Variants in ZNF507 observed in about 807,000 individuals in gnomAD.
ZNF507 encodes zinc finger protein 507.
In ZNF507, 29 loss-of-function variants were observed where a neutral mutation model predicts 80.0. The ratio of observed to expected loss-of-function variants is 0.36; its 90% CI spans 0.27 to 0.49. ZNF507 has a LOEUF of 0.49. Ranked by LOEUF, ZNF507 falls within the 20% of genes least tolerant of loss-of-function variation. The probability of loss-of-function intolerance (pLI) is 0.98; values close to 1 mark genes in which losing one functional copy is unlikely to be tolerated. For synonymous variants in ZNF507, 462 were observed against 422.5 expected, an observed-to-expected ratio of 1.09 and a Z score of -1.15; for missense variants, 1,081 against 1,152.2, an observed-to-expected ratio of 0.94 and a Z score of 0.90.
intron 3 of ZNF507, among the ~76,000 whole-genome samples, chr19:32,355,703 C>T (rs1441473436): frequency 6.6e-6 from 1 of 152,078 alleles, no homozygotes; most frequent in Non-Finnish European, 1.5e-5. Flanking sequence ...AGGAGGTAGA[C>T]TTTTTCCCTC....
chr19:32,380,767 A>G, intron 5 of ZNF507: 1 of 803,322 alleles, frequency 1.2e-6, no homozygotes, highest in Non-Finnish European at 2.0e-6. Flanking sequence ...CCAAATGATG[A>G]CAACTTTTAT....
intron 5 of ZNF507, among the ~76,000 whole-genome samples, chr19:32,366,361 G>C (rs1265193510): frequency 6.6e-6 from 1 of 152,154 alleles, no homozygotes; most frequent in Non-Finnish European, 1.5e-5. Flanking sequence ...GGGCCTTCCA[G>C]TCATTACCCA....
chr19:32,378,923 TC>T (rs1967589063), intron 5 of ZNF507, among the ~76,000 whole-genome samples: 1 of 152,170 alleles, frequency 6.6e-6, no homozygotes, highest in African/African-American at 2.4e-5. Context: ...CGTGTCTGTT[TC>T]CCCTCTGCAT....
In ZNF507 at chr19:32,353,128, A is replaced by G. The variant is rs61741643; in HGVS notation, c.298A>G (p.Thr100Ala). The G allele has an allele frequency of 2.1e-4, 341 of 1,614,258 alleles. No individual in the cohort carries two copies. The African/African-American group carries it at 4.2e-3, about 20-fold the overall frequency. Reference protein sequence around the residue: ...AKVIQSPAADTRRAEMSQTNF... With the variant: ...AKVIQSPAADARRAEMSQTNF... Reference sequence around the variant, plus strand: ...AGTAATCCAGTCACCTGCTGCTGATACTAGAAGGGCTGAGATGTCACAAAC... The same window carrying G: ...AGTAATCCAGTCACCTGCTGCTGATGCTAGAAGGGCTGAGATGTCACAAAC... The change falls in exon 3 of 7, where the codon ACT becomes GCT. Residue 100 changes from threonine to alanine, a missense_variant. Coordinates refer to ENST00000355898, the MANE Select transcript of ZNF507 (RefSeq NM_001136156.2).
intron 5 of ZNF507, among the ~76,000 whole-genome samples, chr19:32,373,258 A>G (rs546380421): frequency 1.4e-4 from 21 of 152,214 alleles, no homozygotes; most frequent in African/African-American, 4.1e-4. Context: ...CACATTCACA[A>G]GGTCTCTGCC....
In ZNF507 at chr19:32,354,800, A is replaced by G. The variant is rs1217669602; in HGVS notation, c.1970A>G (p.Lys657Arg). 5.0e-6 allele frequency: 8 copies of G among 1,614,210 alleles called. No homozygotes were observed. Among genetic ancestry groups the G allele is most frequent in the Admixed American group, 1.7e-5 (1 of 60,024 alleles). Residue 657 changes from lysine to arginine, a missense_variant, in exon 3 of 7, where the codon AAG (lysine) becomes AGG (arginine). By Grantham distance (26) the Lys-to-Arg change is conservative (BLOSUM62 2). Around this residue, in one of 6 missense-constraint regions of ZNF507, gnomAD observed 614 missense variants for 583.9 expected, o/e 1.05. Coordinates refer to ENST00000355898, the MANE Select transcript of ZNF507 (RefSeq NM_001136156.2). ...HYTSGNKGYI[K>R]QHLRVHRQRQ... is the part of the protein sequence containing the mutation. ...ACAAGTGGCAACAAGGGCTACATCA[A>G]GCAGCACTTACGAGTCCATCGACAG... is the stretch of plus-strand genomic sequence containing the variant.
At chr19:32,372,468 G>A (rs1223501016) in intron 5 of ZNF507, among the ~76,000 whole-genome samples, 1 of 151,996 alleles carries the variant, frequency 6.6e-6, no homozygotes, top group East Asian at 1.9e-4. Context: ...CACCCACAAC[G>A]CTCCACATGA....
chr19:32,380,757 C>T (rs1417730293), intron 5 of ZNF507: 1 of 837,502 alleles, frequency 1.2e-6, no homozygotes, highest in Admixed American at 2.3e-5. Context: ...GAGTGTTTGC[C>T]CAAATGATGA....
chr19:32,377,292 G>A (rs962684341), intron 5 of ZNF507, among the ~76,000 whole-genome samples: 1 of 152,176 alleles, frequency 6.6e-6, no homozygotes, highest in Non-Finnish European at 1.5e-5. Context: ...TGGCATTACC[G>A]CTAGACCAAG....
chr19:32,384,994 TGCCAC>T lies in ZNF507; in HGVS notation c.*1912_*1916del, dbSNP rs1967670464. On this transcript the variant is annotated 3_prime_UTR_variant, in exon 7 of 7. Transcript: ENST00000355898. Reference sequence around the variant, plus strand: ...ATTTCATTATTATTACCCATACTGTTGCCACTCATATTGTAAGTCAGTTTTTTCAT... The same window carrying T: ...ATTTCATTATTATTACCCATACTGTTTCATATTGTAAGTCAGTTTTTTCAT... 1 of 152,100 alleles carries T rather than the reference TGCCAC, an allele frequency of 6.6e-6. No individual in the cohort carries two copies. The highest frequency in any genetic ancestry group is 1.5e-5 in the Non-Finnish European group (1 of 68,012). 9.4% of individuals were successfully genotyped at this position (152,100 alleles called of 1,614,324 possible).
At chr19:32,351,471 G>GTGTGTGTGTGTGT (rs56408758) in intron 2 of ZNF507, among the ~76,000 whole-genome samples, 6 of 123,336 alleles carry the variant, frequency 4.9e-5, no homozygotes, top group Admixed American at 8.6e-5. Context: ...GTGTGTGTGT[G>GTGTGTGTGTGTGT]GCGTGGGGGG....
intron 5 of ZNF507, among the ~76,000 whole-genome samples, chr19:32,381,639 C>A (rs1437406665): frequency 6.6e-6 from 1 of 152,038 alleles, no homozygotes; most frequent in Non-Finnish European, 1.5e-5. Context: ...CAACAAAAAA[C>A]CCCACAGAAT....
intron 1 of ZNF507, among the ~76,000 whole-genome samples, chr19:32,346,526 C>G (rs767522757): frequency 1.1e-4 from 17 of 152,216 alleles, no homozygotes; most frequent in Non-Finnish European, 2.2e-4. Context: ...GTACTCCCCT[C>G]TCACTCAGAG....
chr19:32,355,979 A>G (rs1295474391), intron 3 of ZNF507, among the ~76,000 whole-genome samples: 1 of 152,164 alleles, frequency 6.6e-6, no homozygotes, highest in Admixed American at 6.5e-5. Flanking sequence ...AGCCTGGGCA[A>G]CAGAGCGAGA....
chr19:32,352,901 A>T lies in ZNF507; in HGVS notation c.71A>T (p.Glu24Val). 1 of 1,613,490 alleles carries T rather than the reference A, an allele frequency of 6.2e-7. No individual in the cohort carries two copies. The highest frequency in any genetic ancestry group is 8.5e-7 in the Non-Finnish European group (1 of 1,179,888). Reference protein sequence around the residue: ...IGEQEAILTAESIISPSLEID... With the variant: ...IGEQEAILTAVSIISPSLEID... ...GAACAGGAAGCTATACTGACTGCTG[A>T]AAGTATCATCAGTCCTTCATTGGAA... The change falls in exon 3 of 7, where the codon GAA becomes GTA. Residue 24 changes from glutamate to valine, a missense_variant. Glu to Val is a moderately radical substitution (Grantham distance 121, BLOSUM62 -2). Coordinates refer to ENST00000355898, the MANE Select transcript of ZNF507 (RefSeq NM_001136156.2).
In ZNF507 at chr19:32,387,406, A is replaced by C. The variant is rs964278673; in HGVS notation, c.*4323A>C. The C allele has an allele frequency of 6.6e-6, 1 of 152,184 alleles. No individual in the cohort carries two copies. Among genetic ancestry groups the C allele is most frequent in the Non-Finnish European group, 1.5e-5 (1 of 68,026 alleles). The allele number at this position is 152,184 out of a possible 1,614,324, so 9.4% of individuals were successfully genotyped here. On this transcript the variant is annotated 3_prime_UTR_variant, in exon 7 of 7. Transcript: ENST00000355898. ...TGACCAAGGCCAAATATTTCGTCCC[A>C]TGCTTCCCAGGGACAACATAATCAT...
chr19:32,361,842 TCTTCCTTTCCTTC>T (rs1175068435), intron 5 of ZNF507, among the ~76,000 whole-genome samples: 12 of 136,220 alleles, frequency 8.8e-5, no homozygotes, highest in Non-Finnish European at 1.6e-4. Context: ...TCCTTTCCTT[TCTTCCTTTCCTTC>T]CTTCCTTTCC....
intron 2 of ZNF507, among the ~76,000 whole-genome samples, chr19:32,348,911 A>G (rs1967128237): frequency 6.6e-6 from 1 of 152,158 alleles, no homozygotes; most frequent in South Asian, 2.1e-4. Flanking sequence ...CCTTGTGTCA[A>G]CTTGTATCAG....
rs778296294 is a variant in ZNF507 at position 32,354,769 on chromosome 19, C to T, written c.1939C>T (p.His647Tyr). The change falls in exon 3 of 7, where the codon CAC becomes TAC. Residue 647 changes from histidine to tyrosine, a missense_variant. His to Tyr is a moderately conservative substitution (Grantham distance 83). This residue lies in a region of ZNF507 where 614 missense variants were observed against 583.9 expected (regional missense o/e 1.05). Coordinates refer to ENST00000355898, the MANE Select transcript of ZNF507 (RefSeq NM_001136156.2). The stretch of plus-strand genomic sequence containing the variant: ...ACGACCCTACCGTTGCCGCCTGTGT[C>T]ACTACACAAGTGGCAACAAGGGCTA... The part of the protein sequence containing the change: ...AERPYRCRLC[H>Y]YTSGNKGYIK... 3.1e-6 allele frequency: 5 copies of T among 1,614,026 alleles called. No homozygotes were observed. The African/African-American group carries it at 4.0e-5, about 13-fold the overall frequency.
Sources: allele counts gnomAD v4.1 joint callset (sites outside exome capture counted in the v4.1 genomes callset), GRCh38; gene constraint gnomAD v4.1.1; regional missense constraint gnomAD v4.1.1; transcripts MANE v1.5; gene names NCBI Gene and HGNC (gene_info 2026-07-23, HGNC 2026-07-21).